BANP: variants seen among roughly 807,000 people sequenced by gnomAD.
BANP encodes the protein protein BANP.
Under a neutral mutation model 68.1 loss-of-function variants are expected in BANP, and 11 were observed. The observed-to-expected ratio is 0.16, with a 90% CI of 0.10 to 0.27. The LOEUF (loss-of-function observed/expected upper bound fraction) is 0.27. BANP is among the 10% of genes least tolerant of loss of function. BANP has a pLI of 1.00. For synonymous variants in BANP, 329 were observed against 303.2 expected (o/e 1.09, Z -0.88); for missense variants, 504 against 722.7 (o/e 0.70, Z 3.47).
chr16:88,041,954 T>A (rs2080912422), intron 11 of BANP, among the ~76,000 whole-genome samples: 1 of 151,510 alleles, frequency 6.6e-6, no homozygotes, highest in Admixed American at 6.6e-5. Context: ...AGTAGGAGGG[T>A]GAGAGACGCA....
chr16:88,004,322 C>G lies in BANP; in HGVS notation c.390C>G (p.Leu130=). 1 of 1,549,180 alleles carries G rather than the reference C, an allele frequency of 6.5e-7. No individual in the cohort carries two copies. The highest frequency in any genetic ancestry group is 8.7e-7 in the Non-Finnish European group (1 of 1,145,308). ...RCVVPQTTVI[L]NNDRQNAIVA... ...TCGTCCCCCAGACTACAGTAATACTCAACAATGATCGGCAGAACGCCATTG... is the reference window on the plus strand; with the variant it reads ...TCGTCCCCCAGACTACAGTAATACTGAACAATGATCGGCAGAACGCCATTG... The change falls in exon 5 of 14, where the codon CTC becomes CTG. Residue 130 remains leucine, a synonymous_variant. Transcript: ENST00000682872. The surrounding 1 kb of genome is among the most constrained non-coding windows in gnomAD (Gnocchi z 7.0).
intron 7 of BANP, among the ~76,000 whole-genome samples, chr16:88,021,866 T>A (rs1598524354): frequency 6.6e-6 from 1 of 152,134 alleles, no homozygotes; most frequent in East Asian, 1.9e-4. Context: ...TTGATTTAAG[T>A]TTCTCCTTAT....
In BANP at chr16:88,004,192, G is replaced by C. The variant is rs557704118; in HGVS notation, c.363-103G>C. ...GACTCTTAGGCCTCCCCCTCAGTGC[G>C]GGTCCCTGGGAGTGGACTGTGTTGA... is the stretch of plus-strand genomic sequence containing the variant. On this transcript the variant is annotated intron_variant, in intron 4 of 13. Transcript: ENST00000682872. This position sits in a 1 kb window ranked among gnomAD's most constrained non-coding sequence, Gnocchi z 7.0. The C allele has an allele frequency of 2.7e-6, 2 of 753,134 alleles. No homozygotes were observed. Among genetic ancestry groups the C allele is most frequent in the Admixed American group, 4.0e-5 (2 of 49,566 alleles). 46.7% of individuals were successfully genotyped at this position (753,134 alleles called of 1,614,324 possible).
At chr16:88,069,157 C>T (rs2089640347) in intron 12 of BANP, among the ~76,000 whole-genome samples, 1 of 152,180 alleles carries the variant, frequency 6.6e-6, no homozygotes, top group South Asian at 2.1e-4. Context: ...CGCTGCGGGA[C>T]CTCGGGGCCT....
chr16:87,949,965 C>T (rs1445795669), upstream of BANP, among the ~76,000 whole-genome samples: 2 of 151,464 alleles, frequency 1.3e-5, no homozygotes, highest in Admixed American at 1.3e-4. Flanking sequence ...GCAAGCTCCG[C>T]CTCCCGGGTT....
chr16:88,037,548 T>G (rs2079655842), intron 10 of BANP: 1 of 176,064 alleles, frequency 5.7e-6, no homozygotes. Context: ...AGTGAGTTGG[T>G]TCCTTGCGTG....
At chr16:88,031,497 A>T (rs942289613) in intron 8 of BANP, among the ~76,000 whole-genome samples, 2 of 152,010 alleles carry the variant, frequency 1.3e-5, no homozygotes, top group African/African-American at 4.8e-5. Flanking sequence ...ATACAAAAAA[A>T]AATTAGCCCA....
At chr16:87,979,313 C>G (rs1598033938) in intron 2 of BANP, among the ~76,000 whole-genome samples, 1 of 152,134 alleles carries the variant, frequency 6.6e-6, no homozygotes, top group Non-Finnish European at 1.5e-5. Flanking sequence ...ATCTGAATGC[C>G]AGCCAGGAGT....
chr16:88,074,687 T>A (rs2091214475), intron 13 of BANP, among the ~76,000 whole-genome samples: 2 of 149,274 alleles, frequency 1.3e-5, no homozygotes, highest in South Asian at 4.4e-4. Context: ...TCCCAGGCGG[T>A]GGCCCCCCTA....
chr16:88,059,481 A>G (rs756499136), intron 11 of BANP, among the ~76,000 whole-genome samples: 31 of 152,236 alleles, frequency 2.0e-4, no homozygotes, highest in East Asian at 3.9e-4. Flanking sequence ...CCTGTTTTCA[A>G]TTAAGCCCAA....
At chr16:88,005,057 C>T (rs1212448979) in intron 5 of BANP, among the ~76,000 whole-genome samples, 3 of 152,216 alleles carry the variant, frequency 2.0e-5, no homozygotes, top group Non-Finnish European at 4.4e-5. Context: ...TGCTTTTTCT[C>T]TCAGTCTCCT....
chr16:88,012,108 A>G (rs1391533570), intron 6 of BANP, among the ~76,000 whole-genome samples: 4 of 152,166 alleles, frequency 2.6e-5, no homozygotes. Flanking sequence ...TTCCACATAG[A>G]ATTCTTATTC....
At position 88,071,931 on chromosome 16, in the gene BANP, T is replaced by C. The variant is rs760951501; in HGVS notation, c.1378-138T>C. 1.8e-6 allele frequency: 2 copies of C among 1,110,160 alleles called. No homozygotes were observed. Among genetic ancestry groups the C allele is most frequent in the South Asian group, 2.7e-5 (2 of 74,510 alleles). The allele number at this position is 1,110,160 out of a possible 1,614,324, so 68.8% of individuals were successfully genotyped here. On this transcript the variant is annotated intron_variant, in intron 12 of 13. Transcript: ENST00000682872. This position sits in a 1 kb window ranked among gnomAD's most constrained non-coding sequence, Gnocchi z 6.5. The stretch of plus-strand genomic sequence containing the variant: ...ACAGGATGTGCCGCAGAGTCCTCGG[T>C]GTGGCCCTGAGGCCGTGTCCCTGCC...
intron 1 of BANP, among the ~76,000 whole-genome samples, chr16:87,959,711 C>A (rs1597734374): frequency 6.6e-6 from 1 of 152,102 alleles, no homozygotes; most frequent in East Asian, 1.9e-4. Context: ...GGCGATGCCA[C>A]CCTTCGGAGC....
At chr16:88,010,297 A>T (rs1021682005) in intron 6 of BANP, among the ~76,000 whole-genome samples, 7 of 152,266 alleles carry the variant, frequency 4.6e-5, no homozygotes, top group Non-Finnish European at 8.8e-5. Flanking sequence ...GATAATTCTT[A>T]CAAAACGTGA....
intron 1 of BANP, among the ~76,000 whole-genome samples, chr16:87,973,768 A>AAAAGAAAG (rs112573371): frequency 0.046 from 4,838 of 104,468 alleles, 199 homozygotes; most frequent in African/African-American, 0.13. Flanking sequence ...AAAAAAAAAA[A>AAAAGAAAG]AAAAAAGAAA....
intron 2 of BANP, among the ~76,000 whole-genome samples, chr16:87,978,975 T>G (rs1357292008): frequency 6.6e-6 from 1 of 152,174 alleles, no homozygotes; most frequent in African/African-American, 2.4e-5. Context: ...AAAGATAACC[T>G]CAAAATCAAA....
upstream of BANP, among the ~76,000 whole-genome samples, chr16:87,951,276 G>C (rs2056786691): frequency 6.6e-6 from 1 of 152,178 alleles, no homozygotes; most frequent in East Asian, 1.9e-4. Context: ...CGCGGAAGAA[G>C]GCCGCCTGCG....
intron 11 of BANP, among the ~76,000 whole-genome samples, chr16:88,053,393 TCACCATCAC>T: frequency 6.6e-6 from 1 of 150,760 alleles, no homozygotes; most frequent in Non-Finnish European, 1.5e-5. Flanking sequence ...TTCACTATCA[TCACCATCAC>T]CAACACAACC....
Sources: gnomAD v4.1 joint callset for allele counts (sites outside exome capture counted in the v4.1 genomes callset) on GRCh38, gnomAD v4.1.1 for gene constraint, Gnocchi (gnomAD v3.1) non-coding constraint, MANE v1.5 for transcripts, NCBI Gene and HGNC (gene_info 2026-07-23, HGNC 2026-07-21) for gene names.